Variants in GMDS observed in about 807,000 individuals in gnomAD.
GMDS encodes the protein GDP-mannose 4,6 dehydratase.
In GMDS, 20 loss-of-function variants were observed where a neutral mutation model predicts 49.9. That is an observed-to-expected ratio of 0.40 (90% CI 0.28 to 0.58). The LOEUF (loss-of-function observed/expected upper bound fraction) is 0.58, where lower values mean the gene tolerates loss of function less well. Ranked by LOEUF, GMDS falls within the 20% of genes least tolerant of loss-of-function variation. The pLI is 0.42. For missense variants in GMDS, 362 were observed against 481.4 expected (o/e 0.75, Z 2.32); for synonymous variants, 177 against 178.6 (o/e 0.99, Z 0.07).
intron 4 of GMDS, among the ~76,000 whole-genome samples, chr6:2,105,138 C>T (rs775438452): frequency 1.9e-4 from 27 of 139,596 alleles, no homozygotes; most frequent in Non-Finnish European, 3.2e-4. Context: ...GCGGAGATCA[C>T]GCCACTGCAC....
chr6:2,237,174 T>C (rs772986328), intron 1 of GMDS, among the ~76,000 whole-genome samples: 2 of 152,178 alleles, frequency 1.3e-5, no homozygotes, highest in Admixed American at 6.5e-5. Flanking sequence ...GCCAAAATAA[T>C]ATCCTGGAAA....
chr6:1,953,109 G>A lies in GMDS; in HGVS notation c.643+6758C>T, dbSNP rs184374074. ...CGGAAATCTTCAACTGATCTCCTGC[G>A]GAAAGCAAAGGGCTGCTGGGTATGA... On this transcript the variant is annotated intron_variant, in intron 6 of 10. Transcript: ENST00000380815. Among the ~76,000 whole-genome samples the A allele has an allele frequency of 1.5e-4, 23 of 152,258 alleles. No homozygotes were observed. The East Asian group carries it at 3.7e-3, about 24-fold the overall frequency.
intron 7 of GMDS, among the ~76,000 whole-genome samples, chr6:1,806,459 C>G (rs1201017854): frequency 6.6e-6 from 1 of 151,864 alleles, no homozygotes; most frequent in Non-Finnish European, 1.5e-5. Context: ...CACACACACA[C>G]ACACACACAC....
intron 4 of GMDS, among the ~76,000 whole-genome samples, chr6:2,000,020 T>TATA (rs1766679530): frequency 4.2e-4 from 14 of 33,712 alleles, no homozygotes; most frequent in South Asian, 1.0e-3. Flanking sequence ...TTTTTATATA[T>TATA]ATATATATCT....
At chr6:2,098,129 C>T (rs890081948) in intron 4 of GMDS, among the ~76,000 whole-genome samples, 1 of 152,046 alleles carries the variant, frequency 6.6e-6, no homozygotes, top group Non-Finnish European at 1.5e-5. Flanking sequence ...GATCTCGGCT[C>T]GCTCACTGCA....
chr6:1,909,249 T>C (rs1216992925), intron 7 of GMDS, among the ~76,000 whole-genome samples: 5 of 152,220 alleles, frequency 3.3e-5, no homozygotes, highest in Non-Finnish European at 7.3e-5. Context: ...CTCTCCATGA[T>C]GAAATTAATT....
At chr6:1,976,430 T>C (rs1246625487) in intron 4 of GMDS, among the ~76,000 whole-genome samples, 1 of 152,242 alleles carries the variant, frequency 6.6e-6, no homozygotes, top group Non-Finnish European at 1.5e-5. Flanking sequence ...AACACAGCAA[T>C]GTTTCTTGAG....
chr6:2,115,951 T>C, intron 3 of GMDS, 71 bp from the exon 4 acceptor site: 2 of 875,870 alleles, frequency 2.3e-6, no homozygotes, highest in African/African-American at 1.6e-5. Flanking sequence ...AACATCAAAA[T>C]TGAAATGCAT....
At chr6:2,240,768 A>G (rs191593764) in intron 1 of GMDS, among the ~76,000 whole-genome samples, 285 of 152,344 alleles carry the variant, frequency 1.9e-3, no homozygotes, top group African/African-American at 6.6e-3. Context: ...AATTATAACT[A>G]TCACCATCAT....
At chr6:2,088,045 G>A (rs1773111477) in intron 4 of GMDS, among the ~76,000 whole-genome samples, 1 of 152,010 alleles carries the variant, frequency 6.6e-6, no homozygotes, top group Admixed American at 6.6e-5. Context: ...AAAGTAATAT[G>A]CTCATATGCT....
chr6:1,673,959 T>C (rs1561717729), intron 9 of GMDS, among the ~76,000 whole-genome samples: 1 of 79,718 alleles, frequency 1.3e-5, no homozygotes, highest in African/African-American at 4.0e-5. Flanking sequence ...TGCTTCCAGT[T>C]TAGGTTGATT....
At chr6:1,811,112 T>C (rs902274842) in intron 7 of GMDS, among the ~76,000 whole-genome samples, 5 of 152,168 alleles carry the variant, frequency 3.3e-5, no homozygotes, top group African/African-American at 7.2e-5. Flanking sequence ...ACTTTTACAG[T>C]CTTCTTTTGG....
In GMDS at chr6:1,868,695, G is replaced by A. The variant is rs115459029; in HGVS notation, c.771+61408C>T. ...ATCTCTGAACTCAAGTGTAGGGCTC[G>A]TCCCAGTATAATGTGCTGCAAAGGT... On this transcript the variant is annotated intron_variant, in intron 7 of 10. Transcript: ENST00000380815. 2.5e-3 allele frequency among the ~76,000 whole-genome samples: 382 copies of A among 152,122 alleles called. 3 individuals are homozygous for A. The highest frequency in any genetic ancestry group is 8.7e-3 in the African/African-American group (362 of 41,486).
At chr6:1,695,150 A>C (rs1239223995) in intron 9 of GMDS, among the ~76,000 whole-genome samples, 4 of 152,184 alleles carry the variant, frequency 2.6e-5, no homozygotes, top group Non-Finnish European at 5.9e-5. Context: ...GCAGCCCATG[A>C]CGGGGTCCAG....
intron 9 of GMDS, among the ~76,000 whole-genome samples, chr6:1,706,355 T>G (rs1448828143): frequency 6.6e-6 from 1 of 151,902 alleles, no homozygotes; most frequent in East Asian, 1.9e-4. Flanking sequence ...TGATCAGAGG[T>G]GGGGGCAGCA....
chr6:1,646,311 C>T (rs1418797399), intron 9 of GMDS, among the ~76,000 whole-genome samples: 1 of 152,212 alleles, frequency 6.6e-6, no homozygotes, highest in Non-Finnish European at 1.5e-5. Flanking sequence ...CCCTCCCCTG[C>T]TCTGGGGTCC....
intron 7 of GMDS, among the ~76,000 whole-genome samples, chr6:1,880,772 T>C (rs887664827): frequency 2.0e-5 from 3 of 152,168 alleles, no homozygotes; most frequent in African/African-American, 7.2e-5. Context: ...GAAACAAAGA[T>C]AACTTCAGCA....
intron 4 of GMDS, among the ~76,000 whole-genome samples, chr6:2,110,603 C>T (rs1286905377): frequency 6.6e-6 from 1 of 152,122 alleles, no homozygotes; most frequent in African/African-American, 2.4e-5. Flanking sequence ...AGACTCAACC[C>T]CCTGGGGCTT....
chr6:2,000,795 G>A (rs1766767889), intron 4 of GMDS, among the ~76,000 whole-genome samples: 1 of 152,160 alleles, frequency 6.6e-6, no homozygotes, highest in African/African-American at 2.4e-5. Flanking sequence ...CCAAGTAACT[G>A]GAACTATAGG....
Sources: gnomAD v4.1 joint callset for allele counts (sites outside exome capture counted in the v4.1 genomes callset) on GRCh38, gnomAD v4.1.1 for gene constraint, MANE v1.5 for transcripts, NCBI Gene and HGNC (gene_info 2026-07-23, HGNC 2026-07-21) for gene names.